Variants in EPB41L1 observed in about 807,000 individuals in gnomAD.
The protein encoded by EPB41L1 is band 4.1-like protein 1.
EPB41L1 carries 29 observed loss-of-function variants against 97.8 expected under a neutral mutation model. That is an observed-to-expected ratio of 0.30 (90% CI 0.22 to 0.40). The LOEUF (loss-of-function observed/expected upper bound fraction) is 0.40. Among genes scored for constraint, EPB41L1 ranks in the 10% least tolerant of loss-of-function variants. The pLI, the probability that EPB41L1 is intolerant of heterozygous loss-of-function variation, is 1.00. For missense variants in EPB41L1, 812 were observed against 1,162.3 expected (o/e 0.70, Z 4.38); for synonymous variants, 383 against 459.2 (o/e 0.83, Z 2.12).
chr20:36,127,680 C>T (rs1204562604), intron 2 of EPB41L1, among the ~76,000 whole-genome samples: 2 of 152,110 alleles, frequency 1.3e-5, no homozygotes, highest in African/African-American at 2.4e-5. Context: ...GGTTTCCCTA[C>T]CTGTAAAAAT....
At chr20:36,214,686 G>A (rs1421045114) in intron 17 of EPB41L1, among the ~76,000 whole-genome samples, 1 of 152,098 alleles carries the variant, frequency 6.6e-6, no homozygotes, top group African/African-American at 2.4e-5. Context: ...CAGTTATCTA[G>A]GCCATCTCAG....
chr20:36,221,450 A>G (rs1474647453), intron 19 of EPB41L1, among the ~76,000 whole-genome samples: 2 of 152,192 alleles, frequency 1.3e-5, no homozygotes, highest in Non-Finnish European at 1.5e-5. Context: ...TGAACAAAAT[A>G]CAGACCCTGC....
chr20:36,168,992 C>T lies in EPB41L1; in HGVS notation c.-14-4772C>T, dbSNP rs367787157. Among the ~76,000 whole-genome samples, 11 of 151,754 alleles carry T rather than the reference C, an allele frequency of 7.2e-5. No individual in the cohort carries two copies. In the East Asian group the frequency reaches 2.2e-3, roughly 30 times the overall value. ...CCTGTAATCCTAGCACTTTGGGAGG[C>T]CAAGGCGGGTGGATCACAAAGTCAG... On this transcript the variant is annotated intron_variant, in intron 1 of 21. Transcript: ENST00000338074.
At chr20:36,102,673 G>A (rs1035575467) in intron 1 of EPB41L1, among the ~76,000 whole-genome samples, 1 of 152,168 alleles carries the variant, frequency 6.6e-6, no homozygotes, top group Non-Finnish European at 1.5e-5. Context: ...ACCCACCACT[G>A]GGGGGACCTC....
Position 36,190,224 on chromosome 20 carries a change from G to A in EPB41L1, c.1027-53G>A. 1.5e-6 allele frequency: 2 copies of A among 1,376,704 alleles called. No individual in the cohort carries two copies. The highest frequency in any genetic ancestry group is 2.8e-5 in the African/African-American group (2 of 70,300). 85.3% of individuals were successfully genotyped at this position (1,376,704 alleles called of 1,614,324 possible). Reference sequence around the variant, plus strand: ...AATAAAAAACACAAAGAATGGGCTAGTGGCGAGAGTGAGCTCAGGCCCTGC... The same window carrying A: ...AATAAAAAACACAAAGAATGGGCTAATGGCGAGAGTGAGCTCAGGCCCTGC... On this transcript the variant is annotated intron_variant, in intron 9 of 21. Coordinates refer to ENST00000338074, the MANE Select transcript of EPB41L1 (RefSeq NM_012156.2). The surrounding 1 kb of genome is among the most constrained non-coding windows in gnomAD (Gnocchi z 5.8).
At chr20:36,121,563 T>C (rs565716733) in intron 2 of EPB41L1, 58 of 152,342 alleles carry the variant, frequency 3.8e-4, no homozygotes, top group African/African-American at 1.3e-3. Flanking sequence ...CTGGCATTTG[T>C]GGGGCATTTG....
intron 19 of EPB41L1, among the ~76,000 whole-genome samples, chr20:36,220,053 G>A (rs2063687811): frequency 6.6e-6 from 1 of 152,270 alleles, no homozygotes; most frequent in African/African-American, 2.4e-5. Context: ...CCAGGCTAGG[G>A]GGAACAATAC....
At chr20:36,115,376 G>T (rs1487098725) in intron 2 of EPB41L1, among the ~76,000 whole-genome samples, 2 of 152,198 alleles carry the variant, frequency 1.3e-5, no homozygotes, top group Non-Finnish European at 2.9e-5. Context: ...CCAGTTCCAG[G>T]TTGCACTGCT....
chr20:36,214,581 G>A (rs961533837), intron 17 of EPB41L1, 141 bp downstream of exon 17: 3 of 731,508 alleles, frequency 4.1e-6, no homozygotes, highest in Non-Finnish European at 4.8e-6. Flanking sequence ...TAAGTCAGCT[G>A]TTTATTATCT....
At chr20:36,213,015 G>A (rs566197892) in intron 16 of EPB41L1, among the ~76,000 whole-genome samples, 1 of 152,278 alleles carries the variant, frequency 6.6e-6, no homozygotes, top group East Asian at 1.9e-4. Flanking sequence ...TTAAGATTGA[G>A]GATCTGATAG....
At chr20:36,186,535 A>G (rs954872318) in intron 7 of EPB41L1, among the ~76,000 whole-genome samples, 1 of 152,108 alleles carries the variant, frequency 6.6e-6, no homozygotes, top group Non-Finnish European at 1.5e-5. Flanking sequence ...AGAGTCGCAC[A>G]CTAACTCCAC....
intron 1 of EPB41L1, among the ~76,000 whole-genome samples, chr20:36,161,159 T>A (rs990987926): frequency 2.6e-5 from 4 of 152,334 alleles, no homozygotes; most frequent in Non-Finnish European, 5.9e-5. Context: ...AAGGTGGTGA[T>A]GTCCCAGGGA....
At chr20:36,189,641 C>T (rs1197025968) in intron 9 of EPB41L1, among the ~76,000 whole-genome samples, 1 of 152,196 alleles carries the variant, frequency 6.6e-6, no homozygotes, top group South Asian at 2.1e-4. Flanking sequence ...CCCTGCTCTT[C>T]CTTAGATGAC....
intron 6 of EPB41L1, among the ~76,000 whole-genome samples, chr20:36,183,820 C>T (rs901135044): frequency 6.6e-6 from 1 of 152,200 alleles, no homozygotes; most frequent in African/African-American, 2.4e-5. Flanking sequence ...GCTACTGATT[C>T]TGAGTCTATG....
intron 1 of EPB41L1, among the ~76,000 whole-genome samples, chr20:36,170,250 T>C (rs1451074474): frequency 1.3e-5 from 2 of 152,218 alleles, no homozygotes; most frequent in African/African-American, 2.4e-5. Context: ...CAGAAAAATT[T>C]CTTTTTTGAC....
chr20:36,184,660 T>C (rs985075295), intron 6 of EPB41L1, among the ~76,000 whole-genome samples: 1 of 152,218 alleles, frequency 6.6e-6, no homozygotes, highest in Admixed American at 6.5e-5. Context: ...AGAGACAGCA[T>C]TTGATGCCAT....
At position 36,173,741 on chromosome 20, in the gene EPB41L1, T is replaced by C. The variant is rs765641945; in HGVS notation, c.-14-23T>C. ...ACCATTGCTGTCCCTCCCTGTCACA[T>C]GATCTCCTTCATGCCAATGCAGGCG... On this transcript the variant is annotated intron_variant, in intron 1 of 21. Coordinates refer to ENST00000338074, the MANE Select transcript of EPB41L1 (RefSeq NM_012156.2). 113 of 1,611,902 alleles carry C rather than the reference T, an allele frequency of 7.0e-5. 2 individuals are homozygous for C. In the South Asian group the frequency reaches 1.1e-3, roughly 16 times the overall value.
rs936867413 is a variant in EPB41L1 at position 36,126,609 on chromosome 20, G to A, written c.-10+14129G>A. On this transcript the variant is annotated intron_variant, in intron 2 of 19. Coordinates refer to the EPB41L1 transcript ENST00000202028. ...TCAAACTCCCGACCTCGGATGATCC[G>A]CCCGCCTCGGCCTCCCAAAGTGCTG... 1.9e-3 allele frequency among the ~76,000 whole-genome samples: 289 copies of A among 152,148 alleles called. 2 individuals carry two copies. The highest frequency in any genetic ancestry group is 2.8e-3 in the Non-Finnish European group (193 of 67,960).
upstream of EPB41L1, chr20:36,153,097 A>T (rs2060122468): frequency 6.6e-6 from 3 of 456,556 alleles, no homozygotes; most frequent in South Asian, 4.6e-5. Context: ...CTGATGAAGG[A>T]GGTTTAAGTT....
Sources: gnomAD v4.1 joint callset for allele counts (sites outside exome capture counted in the v4.1 genomes callset) on GRCh38, gnomAD v4.1.1 for gene constraint, Gnocchi (gnomAD v3.1) non-coding constraint, MANE v1.5 for transcripts, NCBI Gene and HGNC (gene_info 2026-07-23, HGNC 2026-07-21) for gene names.